KLHL32: variants seen among roughly 807,000 people sequenced by gnomAD.
The protein encoded by KLHL32 is kelch-like protein 32.
KLHL32 carries 35 observed loss-of-function variants against 64.8 expected under a neutral mutation model. That is an observed-to-expected ratio of 0.54 (90% CI 0.41 to 0.72). The LOEUF (loss-of-function observed/expected upper bound fraction) is 0.72. KLHL32 is among the 30% of genes least tolerant of loss of function. KLHL32 has a pLI of 0.00. For synonymous variants in KLHL32, 259 were observed against 281.0 expected (o/e 0.92, Z 0.78); for missense variants, 589 against 768.5 (o/e 0.77, Z 2.76).
upstream of KLHL32, among the ~76,000 whole-genome samples, chr6:96,924,318 G>C (rs1045858850): frequency 6.6e-6 from 1 of 152,146 alleles, no homozygotes; most frequent in African/African-American, 2.4e-5. Flanking sequence ...AGCAGGCTGG[G>C]TTCCCGGGTC....
At chr6:97,084,200 A>G (rs1453049555) in intron 5 of KLHL32, among the ~76,000 whole-genome samples, 1 of 152,240 alleles carries the variant, frequency 6.6e-6, no homozygotes, top group Non-Finnish European at 1.5e-5. Flanking sequence ...TTGGAAAACT[A>G]TTGCTCATAA....
chr6:97,086,627 T>A (rs1241535090), intron 6 of KLHL32, among the ~76,000 whole-genome samples: 2 of 152,192 alleles, frequency 1.3e-5, no homozygotes, highest in African/African-American at 4.8e-5. Flanking sequence ...TATTCCACAC[T>A]GTCTTGATAA....
chr6:96,977,545 G>T (rs550665682), intron 3 of KLHL32, among the ~76,000 whole-genome samples: 1 of 142,762 alleles, frequency 7.0e-6, no homozygotes, highest in East Asian at 2.0e-4. Context: ...CATATAAATG[G>T]GAATATAAAC....
rs147914431 is a variant in KLHL32, at chr6:96,974,303, A to G, written c.24-1694A>G. Among the ~76,000 whole-genome samples the G allele has an allele frequency of 7.8e-3, 1,192 of 152,328 alleles. 15 individuals carry two copies. Among genetic ancestry groups the G allele is most frequent in the African/African-American group, 0.026 (1,089 of 41,584 alleles). ...TTTTCAAAGACTATCCTAAAGCTTTACTTGGCTGATACAATGTTTCTATTA... is the reference window on the plus strand; with the variant it reads ...TTTTCAAAGACTATCCTAAAGCTTTGCTTGGCTGATACAATGTTTCTATTA... On this transcript the variant is annotated intron_variant, in intron 2 of 10. Coordinates refer to ENST00000369261, the MANE Select transcript of KLHL32 (RefSeq NM_052904.4).
intron 1 of KLHL32, among the ~76,000 whole-genome samples, chr6:96,938,233 A>C (rs1770847904): frequency 6.6e-6 from 1 of 152,164 alleles, no homozygotes; most frequent in African/African-American, 2.4e-5. Context: ...TCTGGCCACC[A>C]GAGTAGTGAA....
At chr6:97,087,343 A>G (rs1195533202) in intron 6 of KLHL32, among the ~76,000 whole-genome samples, 1 of 152,234 alleles carries the variant, frequency 6.6e-6, no homozygotes, top group Non-Finnish European at 1.5e-5. Context: ...AATGCAATAT[A>G]CCATGGAAGA....
chr6:96,946,671 T>C (rs1232807033), intron 1 of KLHL32, among the ~76,000 whole-genome samples: 1 of 152,166 alleles, frequency 6.6e-6, no homozygotes, highest in East Asian at 1.9e-4. Flanking sequence ...GGCAGGCCAC[T>C]TCTGAATTTG....
At chr6:97,066,954 T>C (rs1789857558) in intron 5 of KLHL32, among the ~76,000 whole-genome samples, 1 of 152,236 alleles carries the variant, frequency 6.6e-6, no homozygotes, top group Admixed American at 6.5e-5. Context: ...TCAATGCTGA[T>C]ATATTCTCTA....
chr6:96,953,016 A>T (rs1582458059), intron 1 of KLHL32, among the ~76,000 whole-genome samples: 1 of 151,750 alleles, frequency 6.6e-6, no homozygotes, highest in Admixed American at 6.6e-5. Flanking sequence ...TACCATAAAA[A>T]CCCTAGCCTC....
chr6:97,000,588 G>A (rs1204388646), intron 3 of KLHL32, among the ~76,000 whole-genome samples: 2 of 152,156 alleles, frequency 1.3e-5, no homozygotes, highest in East Asian at 3.8e-4. Flanking sequence ...TCCTTGTGAG[G>A]TAATAAATAT....
intron 3 of KLHL32, among the ~76,000 whole-genome samples, chr6:96,976,571 G>A (rs193251593): frequency 1.3e-4 from 19 of 151,830 alleles, no homozygotes; most frequent in South Asian, 2.1e-4. Context: ...GTATTGTTTC[G>A]GATATATATA....
intron 4 of KLHL32, among the ~76,000 whole-genome samples, chr6:97,056,578 C>A (rs1787982605): frequency 1.3e-5 from 2 of 152,150 alleles, no homozygotes; most frequent in Non-Finnish European, 2.9e-5. Context: ...ATCCAACTAG[C>A]TTCCTTGGTG....
intron 1 of KLHL32, among the ~76,000 whole-genome samples, chr6:96,933,976 G>C (rs953857511): frequency 6.6e-5 from 10 of 152,192 alleles, no homozygotes; most frequent in African/African-American, 2.2e-4. Flanking sequence ...AGAACTCTGT[G>C]CCTAAGTCTC....
At chr6:97,065,287 G>A (rs1438524113) in intron 5 of KLHL32, among the ~76,000 whole-genome samples, 2 of 152,176 alleles carry the variant, frequency 1.3e-5, no homozygotes, top group African/African-American at 2.4e-5. Context: ...CGAACACCAA[G>A]CACTGACTGT....
chr6:97,054,548 A>G (rs1787484135), intron 4 of KLHL32, among the ~76,000 whole-genome samples: 1 of 152,234 alleles, frequency 6.6e-6, no homozygotes, highest in African/African-American at 2.4e-5. Flanking sequence ...AACATAGAAA[A>G]ATACCTGAGT....
rs141644047 is a variant in KLHL32 at position 96,974,913 on chromosome 6, G to C, written c.24-1084G>C. 3.2e-3 allele frequency among the ~76,000 whole-genome samples: 486 copies of C among 152,352 alleles called. 3 individuals carry two copies. Among genetic ancestry groups the C allele is most frequent in the Non-Finnish European group, 5.3e-3 (363 of 68,028 alleles). ...ATCATCCCAACGGTATTTTTACTCA[G>C]CTTTGAGATGGATCTGCTGGCCAGA... On this transcript the variant is annotated intron_variant, in intron 2 of 10. Coordinates refer to ENST00000369261, the MANE Select transcript of KLHL32 (RefSeq NM_052904.4).
At chr6:97,073,388 A>G (rs1201178229) in intron 5 of KLHL32, among the ~76,000 whole-genome samples, 2 of 152,248 alleles carry the variant, frequency 1.3e-5, no homozygotes, top group African/African-American at 2.4e-5. Flanking sequence ...TGAAAACATC[A>G]TACTGAAATT....
intron 4 of KLHL32, among the ~76,000 whole-genome samples, chr6:97,062,181 TC>T (rs1789018831): frequency 1.3e-5 from 2 of 152,170 alleles, no homozygotes; most frequent in African/African-American, 4.8e-5. Flanking sequence ...GGAATATTCA[TC>T]TTGTCTCTCT....
chr6:97,028,442 T>C (rs1022888389), intron 3 of KLHL32, among the ~76,000 whole-genome samples: 1 of 152,240 alleles, frequency 6.6e-6, no homozygotes, highest in Non-Finnish European at 1.5e-5. Context: ...ATTCCTATCA[T>C]ATTTTCCTCA....
Sources: allele counts gnomAD v4.1 joint callset (sites outside exome capture counted in the v4.1 genomes callset), GRCh38; gene constraint gnomAD v4.1.1; transcripts MANE v1.5; gene names NCBI Gene and HGNC (gene_info 2026-07-23, HGNC 2026-07-21).